Variants in PDE4C observed in about 807,000 individuals in gnomAD.
PDE4C encodes 3',5'-cyclic-AMP phosphodiesterase 4C.
Under a neutral mutation model 63.9 loss-of-function variants are expected in PDE4C, and 50 were observed. That is an observed-to-expected ratio of 0.78 (90% CI 0.62 to 0.99). The LOEUF (loss-of-function observed/expected upper bound fraction) is 0.99, where lower values mean the gene tolerates loss of function less well. Ranked by LOEUF, PDE4C falls within the 50% of genes least tolerant of loss-of-function variation. The pLI is 0.00. For synonymous variants in PDE4C, 377 were observed against 385.1 expected, an observed-to-expected ratio of 0.98 and a Z score of 0.25; for missense variants, 777 against 899.1, an observed-to-expected ratio of 0.86 and a Z score of 1.74.
rs139503179 is a variant in PDE4C, at chr19:18,216,848, G to A, written c.1282C>T (p.His428Tyr). Residue 428 changes from histidine to tyrosine, a missense_variant, in exon 12 of 15, where the codon CAT becomes TAT. Transcript: ENST00000262805. ...AGCTTGAAGCCCACAGCCAGGTGAT[G>A]GTTCTCCAGCACCGAGGCGTCGTTG... The A allele has an allele frequency of 3.7e-6, 6 of 1,614,090 alleles. No homozygotes were observed. In the African/African-American group the frequency reaches 8.0e-5, roughly 22 times the overall value.
rs112917964 is a variant in PDE4C at position 18,211,383 on chromosome 19, C to T, written c.1696-107G>A. The T allele has an allele frequency of 6.1e-5, 55 of 907,210 alleles. 1 individual carries two copies. The highest frequency in any genetic ancestry group is 4.8e-4 in the African/African-American group (29 of 59,864). The allele number at this position is 907,210 out of a possible 1,614,324, so 56.2% of individuals were successfully genotyped here. A position where few individuals can be genotyped will look rare whatever the true frequency, so the allele number is the denominator to read the frequency against. The stretch of plus-strand genomic sequence containing the variant: ...AAGTTGTTCCCTCTGCCTGGAATGC[C>T]GCTTCCCAACAACTGCTCATCCTTC... On this transcript the variant is annotated intron_variant, in intron 14 of 14. Coordinates refer to ENST00000262805, the Ensembl canonical transcript of PDE4C.
At chr19:18,236,643 CCT>C (rs1237494505), upstream of PDE4C, among the ~76,000 whole-genome samples, 1 of 152,144 alleles carries the variant, frequency 6.6e-6, no homozygotes, top group Non-Finnish European at 1.5e-5. Context: ...ATTACTTTGT[CCT>C]GTCTCTGCCT....
At chr19:18,252,363 G>A (rs1268519652), upstream of PDE4C, 1 of 399,086 alleles carries the variant, frequency 2.5e-6, no homozygotes, top group African/African-American at 2.1e-5. Flanking sequence ...CATGGTGCTG[G>A]AGTAGGATTT....
the PDE4C span, among the ~76,000 whole-genome samples, chr19:18,254,278 C>A: frequency 6.6e-6 from 1 of 152,162 alleles, no homozygotes; most frequent in East Asian, 1.9e-4. Context: ...GACCCCAAGC[C>A]AAGTCAGAAT....
intron 12 of PDE4C, among the ~76,000 whole-genome samples, chr19:18,214,570 G>A (rs994203051): frequency 6.6e-5 from 10 of 152,142 alleles, no homozygotes; most frequent in Admixed American, 6.6e-4. Context: ...TCACTGTGGG[G>A]AGGGATGTGA....
At position 18,215,893 on chromosome 19, in the gene PDE4C, A is replaced by T. The variant is rs1461288396; in HGVS notation, c.1389+848T>A. Reference sequence around the variant, plus strand: ...TGCTGAGGCTAGAGTGCCGTGGTGCAATCTCCGCTCACTGCCACCTCCACC... The same window carrying T: ...TGCTGAGGCTAGAGTGCCGTGGTGCTATCTCCGCTCACTGCCACCTCCACC... On this transcript the variant is annotated intron_variant, in intron 12 of 14. Transcript: ENST00000262805. Among the ~76,000 whole-genome samples the T allele has an allele frequency of 7.6e-5, 9 of 118,366 alleles. No homozygotes were observed. The Admixed American group carries it at 7.8e-4, about 10-fold the overall frequency. The allele number at this position is 118,366 out of a possible 152,430, so 77.7% of individuals were successfully genotyped here.
chr19:18,226,431 G>C, exon 1 of PDE4C: 1 of 1,381,028 alleles, frequency 7.2e-7, no homozygotes, highest in Non-Finnish European at 9.3e-7. Flanking sequence ...GGACTGCGTG[G>C]AGGCTGGACC....
chr19:18,246,276 C>T lies in PDE4C; in HGVS notation c.-210+1895G>A, dbSNP rs774045303. Among the ~76,000 whole-genome samples the T allele has an allele frequency of 5.0e-4, 76 of 151,348 alleles. 1 individual carries two copies. Among genetic ancestry groups the T allele is most frequent in the Non-Finnish European group, 8.0e-4 (54 of 67,834 alleles). On this transcript the variant is annotated intron_variant, in intron 1 of 15. Transcript: ENST00000594617. ...ACGGTTCACTGCAGCCTCGACCTCC[C>T]GTGCTCAAGCAGTCCTCCTACCTTA...
exon 13 of PDE4C, chr19:18,213,379 C>T (rs1286059404): frequency 1.2e-6 from 2 of 1,613,372 alleles, no homozygotes; most frequent in Non-Finnish European, 1.7e-6. Flanking sequence ...TGGATTCGGT[C>T]GGAATAGTTG....
At chr19:18,222,160 A>T (rs1390209198) in exon 2 of PDE4C, 1 of 1,613,714 alleles carries the variant, frequency 6.2e-7, no homozygotes, top group Non-Finnish European at 8.5e-7. Flanking sequence ...GAGTTCCGAG[A>T]CATGGCCTTG....
Position 18,218,506 on chromosome 19 carries a change from A to C in PDE4C, c.970-8T>G, listed in dbSNP as rs1968311374. 1.2e-6 allele frequency: 2 copies of C among 1,613,986 alleles called. No individual in the cohort carries two copies. The highest frequency in any genetic ancestry group is 1.7e-6 in the Non-Finnish European group (2 of 1,179,950). ...CTTCAGCAGGTCCCGCTCCTGGTCC[A>C]TCACAGACCCTGGCTCAGGGCCTTG... On this transcript the variant is annotated splice_polypyrimidine_tract_variant and splice_region_variant and intron_variant, in intron 9 of 14. Transcript: ENST00000262805.
In PDE4C at chr19:18,226,401, G is replaced by GA. The variant is rs1968727792; in HGVS notation, c.14_15insT (p.Ala6ArgfsTer46). 1.4e-6 allele frequency: 2 copies of GA among 1,441,506 alleles called. No individual in the cohort carries two copies. Among genetic ancestry groups the GA allele is most frequent in the Non-Finnish European group, 1.8e-6 (2 of 1,099,952 alleles). The allele number at this position is 1,441,506 out of a possible 1,614,324, so 89.3% of individuals were successfully genotyped here. ...CGGGCCCGGGGACCGGGGCGGGCGCGGGGGGGCCCTGCATCGCCAGGACTG... is the reference window on the plus strand; with the variant it reads ...CGGGCCCGGGGACCGGGGCGGGCGCGAGGGGGGCCCTGCATCGCCAGGACTG... On this transcript the variant is annotated frameshift_variant, in exon 1 of 15. Transcript: ENST00000262805. LOFTEE classifies it high-confidence loss of function.
exon 15 of PDE4C, chr19:18,210,664 A>AG (rs1182579262): frequency 1.1e-5 from 4 of 373,640 alleles, no homozygotes; most frequent in African/African-American, 8.2e-5. Context: ...TCACAGGGAT[A>AG]GAAGCCCAGG....
chr19:18,254,870 A>T, the PDE4C span, among the ~76,000 whole-genome samples: 1 of 152,200 alleles, frequency 6.6e-6, no homozygotes, highest in Non-Finnish European at 1.5e-5. Flanking sequence ...TGTTCCCTGG[A>T]ACCCCCATGG....
chr19:18,220,650 C>T lies in PDE4C; in HGVS notation c.500-135G>A. 1.2e-6 allele frequency: 1 copy of T among 837,172 alleles called. No individual in the cohort carries two copies. Among genetic ancestry groups the T allele is most frequent in the Non-Finnish European group, 1.9e-6 (1 of 530,798 alleles). 51.9% of individuals were successfully genotyped at this position (837,172 alleles called of 1,614,324 possible). A position where few individuals can be genotyped will look rare whatever the true frequency, so the allele number is the denominator to read the frequency against. Reference sequence around the variant, plus strand: ...ACCCAGGACTCCTGGACCCAAGTTCCAGATCTGTTCCCCGAGTGCCTGTGT... The same window carrying T: ...ACCCAGGACTCCTGGACCCAAGTTCTAGATCTGTTCCCCGAGTGCCTGTGT... On this transcript the variant is annotated intron_variant, in intron 5 of 14. Coordinates refer to ENST00000262805, the Ensembl canonical transcript of PDE4C. The surrounding 1 kb of genome is among the most constrained non-coding windows in gnomAD (Gnocchi z 5.1).
intron 1 of PDE4C, among the ~76,000 whole-genome samples, chr19:18,244,712 AT>A (rs1864601185): frequency 6.6e-6 from 1 of 151,630 alleles, no homozygotes; most frequent in Non-Finnish European, 1.5e-5. Flanking sequence ...GGGTTTCTCC[AT>A]GTCGATCAGG....
chr19:18,246,820 G>A (rs1303413970), intron 1 of PDE4C, among the ~76,000 whole-genome samples: 3 of 152,112 alleles, frequency 2.0e-5, no homozygotes, highest in African/African-American at 7.2e-5. Context: ...CCAGCTGCTC[G>A]GGAAGCTGAG....
upstream of PDE4C, chr19:18,248,284 G>A (rs534312860): frequency 7.5e-5 from 34 of 453,038 alleles, no homozygotes; most frequent in African/African-American, 5.6e-4. Context: ...CCCACTCAGC[G>A]GAGCCCCTTA....
intron 14 of PDE4C, 66 bp downstream of exon 14, chr19:18,211,693 G>T: frequency 3.8e-6 from 6 of 1,571,776 alleles, no homozygotes; most frequent in Non-Finnish European, 5.2e-6. Context: ...GGGCTCGTGG[G>T]GTTGGCTCAG....
Sources: gnomAD v4.1 joint callset for allele counts (sites outside exome capture counted in the v4.1 genomes callset) on GRCh38, gnomAD v4.1.1 for gene constraint, Gnocchi (gnomAD v3.1) non-coding constraint, MANE v1.5 for transcripts, NCBI Gene and HGNC (gene_info 2026-07-23, HGNC 2026-07-21) for gene names.